The following CNNM1 variants were observed in gnomAD, a reference collection of about 807,000 sequenced individuals.
The protein encoded by CNNM1 is metal transporter CNNM1.
A neutral mutation model predicts 78.8 loss-of-function variants in CNNM1; 44 were observed. That is an observed-to-expected ratio of 0.56 (90% CI 0.44 to 0.72). The LOEUF (loss-of-function observed/expected upper bound fraction) is 0.72. Among genes scored for constraint, CNNM1 ranks in the 30% least tolerant of loss-of-function variants. CNNM1 has a pLI of 0.00. For missense variants in CNNM1, 1,101 were observed against 1,292.2 expected (o/e 0.85, Z 2.27); for synonymous variants, 584 against 581.5 (o/e 1.00, Z -0.06).
chr10:99,386,107 C>T (rs1258763170), intron 7 of CNNM1, among the ~76,000 whole-genome samples: 1 of 152,164 alleles, frequency 6.6e-6, no homozygotes, highest in Non-Finnish European at 1.5e-5. Context: ...AAGTGGAGAC[C>T]TGTGGTTCCA....
At chr10:99,342,343 A>C (rs1464927269) in intron 1 of CNNM1, among the ~76,000 whole-genome samples, 1 of 152,212 alleles carries the variant, frequency 6.6e-6, no homozygotes, top group Non-Finnish European at 1.5e-5. Context: ...TAGCAAGCCA[A>C]ACCACCAACT....
At chr10:99,371,112 G>T (rs954453019) in intron 6 of CNNM1, among the ~76,000 whole-genome samples, 2 of 152,248 alleles carry the variant, frequency 1.3e-5, no homozygotes, top group Admixed American at 1.3e-4. Flanking sequence ...CCCCTAGAGG[G>T]CTGTGATTTA....
intron 1 of CNNM1, among the ~76,000 whole-genome samples, chr10:99,339,846 T>C (rs1403569046): frequency 1.3e-5 from 2 of 152,384 alleles, no homozygotes; most frequent in East Asian, 3.9e-4. Flanking sequence ...TGACCGTAGC[T>C]ATTTTTGCAG....
intron 7 of CNNM1, among the ~76,000 whole-genome samples, chr10:99,378,337 G>T (rs576417400): frequency 2.0e-5 from 3 of 152,192 alleles, no homozygotes; most frequent in African/African-American, 7.2e-5. Flanking sequence ...TTTATCCCAG[G>T]CCAGCAGAAC....
Position 99,330,299 on chromosome 10 carries a change from G to A in CNNM1, c.912G>A (p.Ser304=). 6.3e-7 allele frequency: 1 copy of A among 1,584,906 alleles called. No homozygotes were observed. Among genetic ancestry groups the A allele is most frequent in the Admixed American group, 1.8e-5 (1 of 56,588 alleles). Residue 304 remains serine (S), a synonymous_variant, in exon 1 of 11, where the codon TCG becomes TCA. Transcript: ENST00000356713. ...NAALAGWLYT[S]LPPGFGGTGE... ...CCCTGGCTGGCTGGCTGTACACCTC[G>A]CTGCCGCCGGGCTTCGGGGGCACCG...
Position 99,387,821 on chromosome 10 carries a change from T to C in CNNM1, c.2342T>C (p.Ile781Thr). 1 of 1,593,908 alleles carries C rather than the reference T, an allele frequency of 6.3e-7. No individual in the cohort carries two copies. The highest frequency in any genetic ancestry group is 8.5e-7 in the Non-Finnish European group (1 of 1,170,080). The change falls in exon 8 of 11, where the codon ATC becomes ACC. Residue 781 changes from isoleucine to threonine, a missense_variant and splice_region_variant. Around this residue, in one of 3 missense-constraint regions of CNNM1, gnomAD observed 348 missense variants for 384.5 expected, o/e 0.90. Transcript: ENST00000356713. ...HILSDVQFVKITRQQYQNALT... is the reference protein window; with the variant it reads ...HILSDVQFVKTTRQQYQNALT... ...AAGCTCCTGCCCTCTTCCTTCCAGA[T>C]CACACGGCAGCAATATCAGAACGCA...
chr10:99,368,788 T>C (rs1589910783), intron 6 of CNNM1: 2 of 680,270 alleles, frequency 2.9e-6, no homozygotes, highest in East Asian at 6.6e-5. Flanking sequence ...CAACAGGCAC[T>C]CCTGTGACTA....
rs1034870261 is a variant in CNNM1 at position 99,364,357 on chromosome 10, A to G, written c.2029-60A>G. 1.6e-5 allele frequency: 20 copies of G among 1,277,114 alleles called. No individual in the cohort carries two copies. The Admixed American group carries it at 3.7e-4, about 24-fold the overall frequency. 79.1% of individuals were successfully genotyped at this position (1,277,114 alleles called of 1,614,324 possible). A position where few individuals can be genotyped will look rare whatever the true frequency, so the allele number is the denominator to read the frequency against. ...GCAGAAATGCTTAGGATTCGAGTCA[A>G]TAGTAGAACTGGAAGTGCTCATACA... On this transcript the variant is annotated intron_variant, in intron 4 of 10. Coordinates refer to ENST00000356713, the MANE Select transcript of CNNM1 (RefSeq NM_020348.3).
intron 2 of CNNM1, among the ~76,000 whole-genome samples, chr10:99,358,337 C>CT (rs1022476031): frequency 3.9e-5 from 6 of 152,192 alleles, no homozygotes; most frequent in African/African-American, 1.4e-4. Context: ...CTTATCAAAG[C>CT]TTTGCTTGCA....
At chr10:99,348,548 A>AT (rs1212147658) in intron 1 of CNNM1, among the ~76,000 whole-genome samples, 2 of 152,214 alleles carry the variant, frequency 1.3e-5, no homozygotes, top group South Asian at 2.1e-4. Context: ...GAATGTGGGG[A>AT]TTTTTTTCTA....
rs1381415148 is a variant in CNNM1 at position 99,329,951 on chromosome 10, C to T, written c.564C>T (p.Ala188=). ...GCGGGAAGCTCTTTTCACTCTGCGCCTGGGATGGGCGCGCGTGGCACCACC... is the reference window on the plus strand; with the variant it reads ...GCGGGAAGCTCTTTTCACTCTGCGCTTGGGATGGGCGCGCGTGGCACCACC... ...GGGGKLFSLC[A]WDGRAWHHHG... is the part of the protein sequence containing the mutation. Residue 188 remains alanine (A), a synonymous_variant, in exon 1 of 11, where the codon GCC becomes GCT. Transcript: ENST00000356713. 4 of 1,386,314 alleles carry T rather than the reference C, an allele frequency of 2.9e-6. No individual in the cohort carries two copies. In the Admixed American group the frequency reaches 1.5e-4, roughly 53 times the overall value. The allele number at this position is 1,386,314 out of a possible 1,614,324, so 85.9% of individuals were successfully genotyped here.
chr10:99,356,597 AAAG>A (rs1194786272), intron 1 of CNNM1, among the ~76,000 whole-genome samples: 2,053 of 132,878 alleles, frequency 0.015, 57 homozygotes, highest in African/African-American at 0.057. Context: ...AGAAAGAAAG[AAAG>A]AAAGAAAAGA....
chr10:99,371,009 C>T (rs2031783026), intron 6 of CNNM1, among the ~76,000 whole-genome samples: 1 of 152,162 alleles, frequency 6.6e-6, no homozygotes, highest in African/African-American at 2.4e-5. Context: ...ATTAGGTAGG[C>T]AGAGGGACAA....
At chr10:99,390,243 C>T in intron 9 of CNNM1, 63 bp from the exon 10 acceptor site, 1 of 1,176,424 alleles carries the variant, frequency 8.5e-7, no homozygotes, top group Admixed American at 2.0e-5. Flanking sequence ...CTCAGAATCA[C>T]CCTCTCTTGA....
At position 99,390,341 on chromosome 10, in the gene CNNM1, A is replaced by G. The variant is rs1406123005; in HGVS notation, c.2710A>G (p.Thr904Ala). Residue 904 changes from threonine to alanine, a missense_variant, in exon 10 of 11, where the codon ACA becomes GCA. This residue lies in a region of CNNM1 where 348 missense variants were observed against 384.5 expected (regional missense o/e 0.90). Coordinates refer to ENST00000356713, the MANE Select transcript of CNNM1 (RefSeq NM_020348.3). ...DSECCNINLD[T>A]ETSPCSSDFE... ...TGAATGTTGTAACATCAACCTGGAT[A>G]CAGAGACCAGCCCCTGCAGTAGCGA... 3.6e-5 allele frequency: 58 copies of G among 1,613,222 alleles called. No individual in the cohort carries two copies. Among genetic ancestry groups the G allele is most frequent in the Non-Finnish European group, 4.8e-5 (57 of 1,179,670 alleles).
At chr10:99,349,971 C>T (rs2030873035) in intron 1 of CNNM1, among the ~76,000 whole-genome samples, 1 of 152,150 alleles carries the variant, frequency 6.6e-6, no homozygotes, top group African/African-American at 2.4e-5. Flanking sequence ...TGAACTCCAG[C>T]CTGAGCAACA....
At position 99,391,538 on chromosome 10, in the gene CNNM1, T is replaced by G. The variant is rs1349147021; in HGVS notation, c.*22T>G. ...ATGACAGGGCAAAGCCAGCATTCACTGGGTGTGTGAAATTCCAGAGCTTTG... is the reference window on the plus strand; with the variant it reads ...ATGACAGGGCAAAGCCAGCATTCACGGGGTGTGTGAAATTCCAGAGCTTTG... On this transcript the variant is annotated 3_prime_UTR_variant, in exon 11 of 11. Transcript: ENST00000356713. 1.9e-6 allele frequency: 3 copies of G among 1,604,436 alleles called. No individual in the cohort carries two copies. The highest frequency in any genetic ancestry group is 2.2e-5 in the South Asian group (2 of 90,490).
intron 2 of CNNM1, 113 bp downstream of exon 2, chr10:99,357,768 ATGTGTGT>A: frequency 9.4e-7 from 1 of 1,058,918 alleles, no homozygotes; most frequent in Non-Finnish European, 1.3e-6. Context: ...CTGTGCCCTG[ATGTGTGT>A]CAGCCACCTA....
intron 1 of CNNM1, among the ~76,000 whole-genome samples, chr10:99,355,087 C>T (rs1042896709): frequency 6.6e-6 from 1 of 152,128 alleles, no homozygotes; most frequent in East Asian, 1.9e-4. Context: ...TACAGAAGTT[C>T]ATTTACATTT....
Sources: allele counts gnomAD v4.1 joint callset (sites outside exome capture counted in the v4.1 genomes callset), GRCh38; gene constraint gnomAD v4.1.1; regional missense constraint gnomAD v4.1.1; transcripts MANE v1.5; gene names NCBI Gene and HGNC (gene_info 2026-07-23, HGNC 2026-07-21).